The following PPARG variants were observed in gnomAD, a reference collection of about 807,000 sequenced individuals.
PPARG encodes peroxisome proliferator activated receptor gamma, also known as peroxisome proliferator-activated receptor gamma.
Under a neutral mutation model 39.2 loss-of-function variants are expected in PPARG, and 17 were observed. That is an observed-to-expected ratio of 0.43 (90% CI 0.30 to 0.65). The LOEUF (loss-of-function observed/expected upper bound fraction) is 0.65, where lower values mean the gene tolerates loss of function less well. PPARG is among the 30% of genes least tolerant of loss of function. The pLI is 0.13. For missense variants in PPARG, 406 were observed against 585.9 expected (o/e 0.69, Z 3.17); for synonymous variants, 223 against 215.7 (o/e 1.03, Z -0.30).
intron 1 of PPARG, among the ~76,000 whole-genome samples, chr3:12,302,441 T>C (rs1049044152): frequency 3.3e-5 from 5 of 152,156 alleles, no homozygotes; most frequent in African/African-American, 9.7e-5. Context: ...GAAGTGATGA[T>C]TGCACAGCTT....
chr3:12,377,234 C>G (rs919332537), intron 2 of PPARG, among the ~76,000 whole-genome samples: 2 of 152,100 alleles, frequency 1.3e-5, no homozygotes, highest in African/African-American at 4.8e-5. Context: ...ATTCTGTGGC[C>G]TTAGAATCCA....
intron 2 of PPARG, among the ~76,000 whole-genome samples, chr3:12,367,343 T>A (rs1378262206): frequency 6.6e-6 from 1 of 152,192 alleles, no homozygotes; most frequent in Non-Finnish European, 1.5e-5. Flanking sequence ...ATTAGTAATA[T>A]CTCCCTTTAG....
intron 7 of PPARG, among the ~76,000 whole-genome samples, chr3:12,426,853 C>G (rs531547543): frequency 1.3e-5 from 2 of 152,300 alleles, no homozygotes; most frequent in South Asian, 4.1e-4. Flanking sequence ...GGTTAAGGAA[C>G]TTGCCCAAGG....
At chr3:12,300,758 A>C (rs887562779) in intron 1 of PPARG, among the ~76,000 whole-genome samples, 8 of 152,190 alleles carry the variant, frequency 5.3e-5, no homozygotes, top group African/African-American at 1.9e-4. Context: ...CATGTCTGAT[A>C]ATTTTCATGG....
intron 1 of PPARG, among the ~76,000 whole-genome samples, chr3:12,311,611 G>A (rs1323117805): frequency 2.6e-5 from 4 of 152,112 alleles, no homozygotes; most frequent in Non-Finnish European, 5.9e-5. Context: ...TTTCATGTAG[G>A]TAAGACTGTG....
intron 1 of PPARG, among the ~76,000 whole-genome samples, chr3:12,310,221 GATCC>G (rs2047188172): frequency 6.6e-6 from 1 of 152,100 alleles, no homozygotes; most frequent in Non-Finnish European, 1.5e-5. Context: ...TGTTCTGTTT[GATCC>G]GACACTTGGG....
At chr3:12,369,884 C>T (rs2049147940) in intron 2 of PPARG, among the ~76,000 whole-genome samples, 1 of 152,170 alleles carries the variant, frequency 6.6e-6, no homozygotes, top group South Asian at 2.1e-4. Context: ...ATAAAAACTC[C>T]TCTGAAAGTG....
intron 7 of PPARG, among the ~76,000 whole-genome samples, chr3:12,418,891 A>G (rs555349228): frequency 1.9e-4 from 29 of 152,158 alleles, no homozygotes; most frequent in Non-Finnish European, 3.1e-4. Flanking sequence ...GTCGTGATTC[A>G]CTTTAAAATA....
chr3:12,355,830 T>C (rs939859430), intron 2 of PPARG, among the ~76,000 whole-genome samples: 1 of 152,222 alleles, frequency 6.6e-6, no homozygotes, highest in African/African-American at 2.4e-5. Context: ...AATCTGCCAA[T>C]TGCAGTATAA....
chr3:12,415,547 A>G (rs998778868), intron 6 of PPARG, among the ~76,000 whole-genome samples: 3 of 152,164 alleles, frequency 2.0e-5, no homozygotes, highest in African/African-American at 7.2e-5. Flanking sequence ...ATACAAGGGA[A>G]GTAAAAGAGA....
chr3:12,338,660 C>T (rs573438671), intron 2 of PPARG, among the ~76,000 whole-genome samples: 3 of 152,244 alleles, frequency 2.0e-5, no homozygotes, highest in South Asian at 4.1e-4. Flanking sequence ...GATTCAACAC[C>T]TTTTGCTGCT....
chr3:12,402,542 G>A (rs1044493191), intron 5 of PPARG, among the ~76,000 whole-genome samples: 2 of 152,166 alleles, frequency 1.3e-5, no homozygotes, highest in Non-Finnish European at 2.9e-5. Context: ...TAGAATAACT[G>A]ATATAAACCA....
At chr3:12,388,961 CA>C (rs1199356440) in intron 4 of PPARG, among the ~76,000 whole-genome samples, 1 of 152,066 alleles carries the variant, frequency 6.6e-6, no homozygotes, top group African/African-American at 2.4e-5. Flanking sequence ...AAGAGATATG[CA>C]AAGAAATTAC....
At chr3:12,299,781 A>G (rs1322092625) in intron 1 of PPARG, among the ~76,000 whole-genome samples, 2 of 152,208 alleles carry the variant, frequency 1.3e-5, no homozygotes, top group Non-Finnish European at 2.9e-5. Context: ...CTGTCCCATT[A>G]ACATCAAAAA....
rs139299446 is a variant in PPARG, at chr3:12,384,772, C to G, written c.390+3281C>G. Among the ~76,000 whole-genome samples the G allele has an allele frequency of 5.3e-3, 803 of 152,168 alleles. 8 individuals are homozygous for G. Among genetic ancestry groups the G allele is most frequent in the African/African-American group, 0.017 (708 of 41,518 alleles). On this transcript the variant is annotated intron_variant, in intron 4 of 7. Coordinates refer to ENST00000651735, the MANE Select transcript of PPARG (RefSeq NM_138711.6). Reference sequence around the variant, plus strand: ...GAGTGTATGTGGAGTGTTCTGGAAGCTACATGATGTAGGATGATGACATAG... The same window carrying G: ...GAGTGTATGTGGAGTGTTCTGGAAGGTACATGATGTAGGATGATGACATAG...
chr3:12,371,438 G>A (rs533017894), intron 2 of PPARG, among the ~76,000 whole-genome samples: 17 of 152,132 alleles, frequency 1.1e-4, no homozygotes, highest in South Asian at 2.1e-4. Context: ...TATTCCCTAC[G>A]CCTTTTGATT....
intron 2 of PPARG, among the ~76,000 whole-genome samples, chr3:12,378,562 T>G (rs1432190473): frequency 2.0e-5 from 3 of 152,112 alleles, no homozygotes; most frequent in Non-Finnish European, 4.4e-5. Flanking sequence ...AGAATTAAAC[T>G]GGGTGGTATT....
In PPARG at chr3:12,301,319, C is replaced by G. The variant is rs1438067820; in HGVS notation, c.-82-11061C>G. 2.0e-5 allele frequency among the ~76,000 whole-genome samples: 3 copies of G among 152,248 alleles called. No homozygotes were observed. The East Asian group carries it at 5.8e-4, about 29-fold the overall frequency. Reference sequence around the variant, plus strand: ...GAAAGGTTTACAATAATGCCCAGTACAAAATGTTATTCAGACTTACTACTC... The same window carrying G: ...GAAAGGTTTACAATAATGCCCAGTAGAAAATGTTATTCAGACTTACTACTC... On this transcript the variant is annotated intron_variant, in intron 1 of 7. Transcript: ENST00000651735.
intron 5 of PPARG, among the ~76,000 whole-genome samples, chr3:12,393,029 A>G (rs1266274833): frequency 6.6e-6 from 1 of 152,194 alleles, no homozygotes; most frequent in Non-Finnish European, 1.5e-5. Context: ...AACAAATATA[A>G]TGATCATCAT....
Sources: gnomAD v4.1 joint callset for allele counts (sites outside exome capture counted in the v4.1 genomes callset) on GRCh38, gnomAD v4.1.1 for gene constraint, MANE v1.5 for transcripts, NCBI Gene and HGNC (gene_info 2026-07-23, HGNC 2026-07-21) for gene names.